Variants in BMP1 observed in about 807,000 individuals in gnomAD.
BMP1 encodes mammalian tolloid protein.
In BMP1, 63 loss-of-function variants were observed where a neutral mutation model predicts 116.8. That is an observed-to-expected ratio of 0.54 (90% confidence interval 0.44 to 0.67). The LOEUF (loss-of-function observed/expected upper bound fraction) is 0.67. BMP1 is among the 30% of genes least tolerant of loss of function. The pLI, the probability that BMP1 is intolerant of heterozygous loss-of-function variation, is 0.00. For missense variants in BMP1, 1,183 were observed against 1,358.9 expected, an observed-to-expected ratio of 0.87 and a Z score of 2.04; for synonymous variants, 536 against 533.4, an observed-to-expected ratio of 1.00 and a Z score of -0.07.
intron 13 of BMP1, 180 bp from the exon 14 acceptor site, chr8:22,196,500 G>C (rs376319919): frequency 1.6e-5 from 13 of 806,338 alleles, no homozygotes; most frequent in East Asian, 7.9e-5. Flanking sequence ...GCCCACCCCT[G>C]AGGACACCCA....
intron 8 of BMP1, among the ~76,000 whole-genome samples, chr8:22,184,967 A>G (rs1454111325): frequency 6.6e-6 from 1 of 152,224 alleles, no homozygotes; most frequent in Non-Finnish European, 1.5e-5. Flanking sequence ...AGAAATGTGA[A>G]TGATAGGTAA....
intron 1 of BMP1, among the ~76,000 whole-genome samples, chr8:22,166,054 C>A (rs538894603): frequency 3.3e-5 from 5 of 152,024 alleles, no homozygotes; most frequent in Admixed American, 1.3e-4. Flanking sequence ...GGAGCAGGTC[C>A]CCCAGCCACC....
At position 22,180,392 on chromosome 8, in the gene BMP1, G is replaced by A. The variant is rs1828580444; in HGVS notation, c.986G>A (p.Ser329Asn). The change falls in exon 8 of 20, where the codon AGC becomes AAC. Residue 329 changes from serine to asparagine, a missense_variant. Around this residue, in one of 4 missense-constraint regions of BMP1, gnomAD observed 956 missense variants for 1,135.2 expected, o/e 0.84. Transcript: ENST00000306385. ...GCCTGTGGAGAGACCCTGCAAGACA[G>A]CACAGGCAACTTCTCCTCCCCTGAA... ...CPACGETLQD[S>N]TGNFSSPEYP... 1.2e-6 allele frequency: 2 copies of A among 1,613,942 alleles called. No homozygotes were observed. Among genetic ancestry groups the A allele is most frequent in the East Asian group, 2.2e-5 (1 of 44,876 alleles).
At chr8:22,189,433 TACACAC>T (rs10672713) in intron 8 of BMP1, among the ~76,000 whole-genome samples, 9 of 141,378 alleles carry the variant, frequency 6.4e-5, no homozygotes, top group Admixed American at 1.5e-4. Context: ...TTGATGGAGA[TACACAC>T]ACACACACAC....
chr8:22,191,094 A>G (rs2131876631), intron 8 of BMP1, among the ~76,000 whole-genome samples: 1 of 152,342 alleles, frequency 6.6e-6, no homozygotes, highest in South Asian at 2.1e-4. Flanking sequence ...ACCAAGATGT[A>G]ACATTCCTCC....
intron 9 of BMP1, among the ~76,000 whole-genome samples, chr8:22,193,511 C>T (rs541216469): frequency 2.6e-5 from 4 of 152,324 alleles, no homozygotes; most frequent in East Asian, 1.9e-4. Flanking sequence ...TGGCCAGGCA[C>T]GGTGGCTCAC....
chr8:22,196,561 T>C, intron 13 of BMP1, 119 bp from the exon 14 acceptor site: 1 of 1,486,910 alleles, frequency 6.7e-7, no homozygotes, highest in Non-Finnish European at 9.2e-7. Flanking sequence ...CACAGGTCCC[T>C]GAGCCTTGGG....
intron 16 of BMP1, among the ~76,000 whole-genome samples, chr8:22,203,862 CTG>C (rs1398255956): frequency 2.0e-5 from 3 of 152,192 alleles, no homozygotes; most frequent in Non-Finnish European, 4.4e-5. Context: ...CATTCTGTCT[CTG>C]TACTCCCCTG....
chr8:22,167,596 C>A (rs192631210), intron 1 of BMP1, among the ~76,000 whole-genome samples: 1 of 152,168 alleles, frequency 6.6e-6, no homozygotes, highest in African/African-American at 2.4e-5. Context: ...GCTCTCCCCC[C>A]AGTCTCAGGT....
At chr8:22,190,315 C>T (rs1828894118) in intron 8 of BMP1, among the ~76,000 whole-genome samples, 1 of 152,158 alleles carries the variant, frequency 6.6e-6, no homozygotes, top group African/African-American at 2.4e-5. Context: ...TATAGTTAAA[C>T]TCATATATGA....
At chr8:22,170,707 C>T (rs1195211728) in intron 1 of BMP1, 1 of 152,090 alleles carries the variant, frequency 6.6e-6, no homozygotes, top group African/African-American at 2.4e-5. Context: ...GTAATCCCAG[C>T]ACTTTGGGAG....
At chr8:22,200,507 A>C (rs1483932346) in intron 15 of BMP1, among the ~76,000 whole-genome samples, 2 of 151,972 alleles carry the variant, frequency 1.3e-5, no homozygotes, top group African/African-American at 4.8e-5. Context: ...GCAAGTGAGG[A>C]TGCGTATGTG....
chr8:22,183,787 G>A (rs988973512), intron 8 of BMP1, among the ~76,000 whole-genome samples: 2 of 152,038 alleles, frequency 1.3e-5, no homozygotes, highest in African/African-American at 4.8e-5. Flanking sequence ...TGTTGGTCAG[G>A]CTGGTCTCGA....
intron 13 of BMP1, 110 bp downstream of exon 13, chr8:22,195,697 A>G: frequency 2.1e-6 from 3 of 1,456,930 alleles, no homozygotes; most frequent in Non-Finnish European, 2.8e-6. Context: ...CCAGGCTGGA[A>G]GTACAGTGGC....
intron 19 of BMP1, among the ~76,000 whole-genome samples, chr8:22,210,655 C>A (rs1291758417): frequency 1.3e-5 from 2 of 152,314 alleles, no homozygotes; most frequent in Admixed American, 1.3e-4. Flanking sequence ...GAACCTCCCC[C>A]AGGAGCAGAG....
At chr8:22,175,221 A>T (rs1056596304) in intron 2 of BMP1, among the ~76,000 whole-genome samples, 1 of 152,222 alleles carries the variant, frequency 6.6e-6, no homozygotes, top group Non-Finnish European at 1.5e-5. Context: ...TCTGTCAAAT[A>T]CAATACGACA....
chr8:22,174,627 CTTTTTTTTTTTTTT>C (rs57781366), intron 2 of BMP1, among the ~76,000 whole-genome samples: 81 of 106,266 alleles, frequency 7.6e-4, no homozygotes, highest in Admixed American at 1.6e-3. Flanking sequence ...TTTTTTCTGT[CTTTTTTTTTTTTTT>C]TTTTTTTTTG....
chr8:22,203,174 C>G (rs994880113), intron 16 of BMP1, among the ~76,000 whole-genome samples: 2 of 152,188 alleles, frequency 1.3e-5, no homozygotes, highest in East Asian at 3.9e-4. Flanking sequence ...CAGCACAACA[C>G]AGACTTGCCT....
chr8:22,204,722 C>A (rs1001728885), intron 16 of BMP1, among the ~76,000 whole-genome samples: 70 of 150,742 alleles, frequency 4.6e-4, no homozygotes, highest in African/African-American at 1.6e-3. Context: ...GACCCTGTCC[C>A]CCCCCACCCC....
Sources: allele counts gnomAD v4.1 joint callset (sites outside exome capture counted in the v4.1 genomes callset), GRCh38; gene constraint gnomAD v4.1.1; regional missense constraint gnomAD v4.1.1; transcripts MANE v1.5; gene names NCBI Gene and HGNC (gene_info 2026-07-23, HGNC 2026-07-21).